The following PHF24 variants were observed in gnomAD, a reference collection of about 807,000 sequenced individuals.
PHF24 encodes the protein Galpha inhibitory interacting protein.
In PHF24, 25 loss-of-function variants were observed where a neutral mutation model predicts 42.6. The observed-to-expected ratio is 0.59, with a 90% CI of 0.43 to 0.82. The LOEUF (loss-of-function observed/expected upper bound fraction) is 0.82. Among genes scored for constraint, PHF24 ranks in the 40% least tolerant of loss-of-function variants. PHF24 has a pLI of 0.00. For missense variants in PHF24, 470 were observed against 538.1 expected (o/e 0.87, Z 1.25); for synonymous variants, 185 against 204.8 (o/e 0.90, Z 0.83).
chr9:34,744,185 CA>C, the PHF24 span, among the ~76,000 whole-genome samples: 1 of 152,126 alleles, frequency 6.6e-6, no homozygotes, highest in East Asian at 1.9e-4. Context: ...TCCAAGCTGG[CA>C]AAAGTACTCA....
chr9:34,677,389 GTTTT>G, the PHF24 span, among the ~76,000 whole-genome samples: 318 of 79,690 alleles, frequency 4.0e-3, 2 homozygotes, highest in African/African-American at 7.2e-3. Flanking sequence ...TTTGTAAACT[GTTTT>G]TTTTTTTTTT....
upstream of PHF24, among the ~76,000 whole-genome samples, chr9:34,955,336 A>AG (rs56400004): frequency 2.6e-5 from 4 of 151,796 alleles, no homozygotes; most frequent in African/African-American, 9.7e-5. Flanking sequence ...AAAAAAGAAA[A>AG]GAAAGTTGAA....
rs1563932024 is a variant in PHF24 at position 34,971,383 on chromosome 9, C to CTTTCA, written c.85_86insTTTCA (p.Arg29LeufsTer22). Reference sequence around the variant, plus strand: ...TGTGTCTGCTTTCAAGGATGGGCTGCGGGACAGGCCTTCCATCCGACGCAC... The same window carrying CTTTCA: ...TGTGTCTGCTTTCAAGGATGGGCTGCTTTCAGGGACAGGCCTTCCATCCGACGCAC... On this transcript the variant is annotated frameshift_variant, in exon 2 of 8. Coordinates refer to ENST00000242315, the Ensembl canonical transcript of PHF24. LOFTEE classifies it high-confidence loss of function. The CTTTCA allele has an allele frequency of 6.2e-7, 1 of 1,614,074 alleles. No individual in the cohort carries two copies. The highest frequency in any genetic ancestry group is 1.7e-5 in the Admixed American group (1 of 60,020).
the PHF24 span, chr9:34,728,114 T>C: frequency 6.5e-7 from 1 of 1,545,318 alleles, no homozygotes; most frequent in Non-Finnish European, 8.7e-7. Context: ...TTATATGGCA[T>C]GGGATAATTT....
chr9:34,976,671 A>G lies in PHF24; in HGVS notation c.780A>G (p.Arg260=), dbSNP rs778044671. 72 of 1,614,196 alleles carry G rather than the reference A, an allele frequency of 4.5e-5. 1 individual carries two copies. The East Asian group carries it at 1.1e-3, about 25-fold the overall frequency. Reference sequence around the variant, plus strand: ...TTGCTGCCCTGGACCCTGAACATCGAGGCCACATAGAGTGGCCTGACTTCT... The same window carrying G: ...TTGCTGCCCTGGACCCTGAACATCGGGGCCACATAGAGTGGCCTGACTTCT... The change falls in exon 5 of 8, where the codon CGA becomes CGG. Residue 260 remains arginine, a synonymous_variant. Coordinates refer to ENST00000242315, the Ensembl canonical transcript of PHF24.
the PHF24 span, among the ~76,000 whole-genome samples, chr9:34,924,811 T>G: frequency 6.6e-6 from 1 of 152,184 alleles, no homozygotes; most frequent in Admixed American, 6.5e-5. Context: ...TGCCATTTTG[T>G]TATTTGTTTT....
the PHF24 span, among the ~76,000 whole-genome samples, chr9:34,711,255 T>C: frequency 6.6e-6 from 1 of 151,966 alleles, no homozygotes; most frequent in Non-Finnish European, 1.5e-5. Flanking sequence ...TTATCTTTTT[T>C]TTTTTTTTTG....
At chr9:34,770,517 A>G in the PHF24 span, among the ~76,000 whole-genome samples, 20 of 152,314 alleles carry the variant, frequency 1.3e-4, no homozygotes, top group South Asian at 4.1e-3. Context: ...CCCAATTCTG[A>G]TAATTATTCT....
At chr9:34,666,007 A>T in the PHF24 span, 5 of 371,902 alleles carry the variant, frequency 1.3e-5, no homozygotes, top group Non-Finnish European at 2.5e-5. Context: ...GGGTCAGCGC[A>T]GCCTAAACTC....
chr9:34,937,475 T>A, the PHF24 span, among the ~76,000 whole-genome samples: 3 of 152,010 alleles, frequency 2.0e-5, no homozygotes, highest in East Asian at 1.9e-4. Flanking sequence ...GTCATCACCA[T>A]TCCCTAATCT....
At chr9:34,812,330 T>C in the PHF24 span, among the ~76,000 whole-genome samples, 1 of 152,218 alleles carries the variant, frequency 6.6e-6, no homozygotes, top group Non-Finnish European at 1.5e-5. Flanking sequence ...GGAACCCTGG[T>C]GCATTGCTGG....
chr9:34,857,975 T>TG, the PHF24 span, among the ~76,000 whole-genome samples: 2 of 129,336 alleles, frequency 1.5e-5, no homozygotes, highest in African/African-American at 7.3e-5. Flanking sequence ...TTCTCTGGTT[T>TG]TTTTTTTTTT....
At chr9:34,898,200 T>C in the PHF24 span, among the ~76,000 whole-genome samples, 1 of 152,226 alleles carries the variant, frequency 6.6e-6, no homozygotes, top group Non-Finnish European at 1.5e-5. Context: ...AGTAGTGGGA[T>C]TGCTGGATCA....
chr9:34,801,800 A>G, the PHF24 span, among the ~76,000 whole-genome samples: 2 of 151,996 alleles, frequency 1.3e-5, no homozygotes, highest in Admixed American at 1.3e-4. Flanking sequence ...TCAGCAAACT[A>G]ACACCAGAAC....
chr9:34,673,781 C>A, the PHF24 span, among the ~76,000 whole-genome samples: 1 of 152,150 alleles, frequency 6.6e-6, no homozygotes, highest in South Asian at 2.1e-4. Flanking sequence ...GCTGCCAAAC[C>A]TGGCTAATTT....
At chr9:34,918,134 C>T in the PHF24 span, 116 of 1,544,638 alleles carry the variant, frequency 7.5e-5, no homozygotes, top group Middle Eastern at 1.7e-4. Flanking sequence ...CCAATCGTAG[C>T]GCCAGCATAT....
At chr9:34,961,140 T>A (rs573486042) in intron 1 of PHF24, among the ~76,000 whole-genome samples, 2 of 152,232 alleles carry the variant, frequency 1.3e-5, no homozygotes, top group African/African-American at 4.8e-5. Context: ...CCTAAGTGAA[T>A]CACATTCATG....
the PHF24 span, among the ~76,000 whole-genome samples, chr9:34,811,836 C>T: frequency 6.6e-6 from 1 of 151,768 alleles, no homozygotes; most frequent in Non-Finnish European, 1.5e-5. Context: ...AAAAGAATAC[C>T]ATAAAGAAAG....
the PHF24 span, among the ~76,000 whole-genome samples, chr9:34,951,262 A>G: frequency 1.1e-4 from 17 of 152,252 alleles, no homozygotes; most frequent in African/African-American, 4.1e-4. Context: ...AGGCAGAATA[A>G]TGGTCCCTCA....
Sources: gnomAD v4.1 joint callset for allele counts (sites outside exome capture counted in the v4.1 genomes callset) on GRCh38, gnomAD v4.1.1 for gene constraint, MANE v1.5 for transcripts, NCBI Gene and HGNC (gene_info 2026-07-23, HGNC 2026-07-21) for gene names.